BAALC: variants seen among roughly 807,000 people sequenced by gnomAD.
BAALC encodes the protein brain and acute leukemia cytoplasmic protein.
BAALC carries 9 observed loss-of-function variants against 15.5 expected under a neutral mutation model. That is an observed-to-expected ratio of 0.58 (90% CI 0.35 to 1.02). The LOEUF (loss-of-function observed/expected upper bound fraction) is 1.02, where lower values mean the gene tolerates loss of function less well. Ranked by LOEUF, BAALC falls within the 50% of genes least tolerant of loss-of-function variation. The pLI is 0.02. For synonymous variants in BAALC, 80 were observed against 74.6 expected (o/e 1.07, Z -0.37); for missense variants, 201 against 192.4 (o/e 1.04, Z -0.27).
At chr8:103,184,281 C>T (rs4645535) in intron 1 of BAALC, among the ~76,000 whole-genome samples, 21,760 of 152,104 alleles carry the variant, frequency 0.14, 2,369 homozygotes, top group African/African-American at 0.31. Context: ...CCTGAATTCC[C>T]TTTTGCTGTG....
chr8:103,159,158 G>A (rs576104408), intron 1 of BAALC, among the ~76,000 whole-genome samples: 2 of 152,238 alleles, frequency 1.3e-5, no homozygotes, highest in East Asian at 1.9e-4. Context: ...AACTTCATAG[G>A]TGATGAGGTA....
chr8:103,209,085 C>G (rs1202054932), intron 1 of BAALC, among the ~76,000 whole-genome samples: 2 of 152,074 alleles, frequency 1.3e-5, no homozygotes, highest in African/African-American at 4.8e-5. Flanking sequence ...ATGGCAACAT[C>G]TGGAGGCTGG....
chr8:103,217,002 G>A (rs902331757), intron 2 of BAALC, among the ~76,000 whole-genome samples: 2 of 152,074 alleles, frequency 1.3e-5, no homozygotes, highest in African/African-American at 4.8e-5. Context: ...AAAATGGGGC[G>A]GGCAGAGTCA....
In BAALC at chr8:103,145,513, G is replaced by A. The variant is rs1586369180; in HGVS notation, c.160+4456G>A. On this transcript the variant is annotated intron_variant, in intron 1 of 2. Transcript: ENST00000309982. ...CTATGGCTAACTCCAAGCTACTGAT[G>A]TCAGCTGAACGGCATAGGGCAATAC... Among the ~76,000 whole-genome samples, 5 of 152,294 alleles carry A rather than the reference G, an allele frequency of 3.3e-5. No homozygotes were observed. The South Asian group carries it at 1.0e-3, about 32-fold the overall frequency.
intron 1 of BAALC, among the ~76,000 whole-genome samples, chr8:103,192,664 T>A (rs537680871): frequency 6.6e-6 from 1 of 152,180 alleles, no homozygotes; most frequent in Non-Finnish European, 1.5e-5. Flanking sequence ...TACATTTAGA[T>A]GGCCAAGGGA....
intron 2 of BAALC, among the ~76,000 whole-genome samples, chr8:103,226,871 C>A (rs1812817476): frequency 6.6e-6 from 1 of 152,052 alleles, no homozygotes; most frequent in African/African-American, 2.4e-5. Context: ...TTATTATTCC[C>A]CATTTTACAG....
intron 1 of BAALC, among the ~76,000 whole-genome samples, chr8:103,149,140 G>T (rs968801541): frequency 6.6e-6 from 1 of 150,560 alleles, no homozygotes; most frequent in Non-Finnish European, 1.5e-5. Flanking sequence ...GGTCCATTGT[G>T]CTGTGCTGCT....
At chr8:103,193,198 G>A (rs965655128) in intron 1 of BAALC, among the ~76,000 whole-genome samples, 9 of 152,222 alleles carry the variant, frequency 5.9e-5, no homozygotes, top group African/African-American at 1.7e-4. Context: ...TGTCACAGGC[G>A]TCACTTATCA....
chr8:103,177,492 C>A (rs1316314662), intron 1 of BAALC, among the ~76,000 whole-genome samples: 1 of 152,154 alleles, frequency 6.6e-6, no homozygotes, highest in African/African-American at 2.4e-5. Flanking sequence ...CGGCCTTCTT[C>A]TTCTCTAGAT....
chr8:103,223,708 G>A (rs1158137843), intron 2 of BAALC, among the ~76,000 whole-genome samples: 1 of 152,072 alleles, frequency 6.6e-6, no homozygotes, highest in Non-Finnish European at 1.5e-5. Context: ...TCCAACTACT[G>A]GATTTTTTGC....
intron 1 of BAALC, among the ~76,000 whole-genome samples, chr8:103,181,421 A>G (rs183435795): frequency 0.017 from 2,620 of 152,064 alleles, 65 homozygotes; most frequent in African/African-American, 0.057. Context: ...ACAGTCTCCC[A>G]CCACCACGCC....
chr8:103,170,140 C>T (rs1811445532), intron 1 of BAALC, among the ~76,000 whole-genome samples: 1 of 151,968 alleles, frequency 6.6e-6, no homozygotes, highest in South Asian at 2.1e-4. Flanking sequence ...CTAAAAGTTC[C>T]CTTATGTTTG....
intron 1 of BAALC, among the ~76,000 whole-genome samples, chr8:103,205,062 G>C (rs1812298200): frequency 1.3e-5 from 2 of 152,100 alleles, no homozygotes; most frequent in South Asian, 4.2e-4. Context: ...CTTATACTTT[G>C]GTTTTCTGTC....
At chr8:103,190,126 T>C (rs1811932540) in intron 1 of BAALC, among the ~76,000 whole-genome samples, 1 of 151,994 alleles carries the variant, frequency 6.6e-6, no homozygotes, top group African/African-American at 2.4e-5. Flanking sequence ...GATTAGAAAA[T>C]TGGTGGCATG....
chr8:103,198,007 G>A, intron 1 of BAALC: 1 of 619,766 alleles, frequency 1.6e-6, no homozygotes, highest in Non-Finnish European at 2.9e-6. Context: ...CCTCTGCTCT[G>A]TGAGGACTAA....
intron 1 of BAALC, among the ~76,000 whole-genome samples, chr8:103,194,862 G>T (rs1345709372): frequency 6.6e-6 from 1 of 152,036 alleles, no homozygotes; most frequent in Non-Finnish European, 1.5e-5. Flanking sequence ...GTTTCCTTCG[G>T]CCCATTTATA....
intron 2 of BAALC, among the ~76,000 whole-genome samples, chr8:103,216,860 A>T (rs1412204478): frequency 6.6e-6 from 1 of 152,204 alleles, no homozygotes; most frequent in Non-Finnish European, 1.5e-5. Flanking sequence ...TCCTCACACT[A>T]ACTCTATAAT....
chr8:103,182,748 T>G (rs938146171), intron 1 of BAALC, among the ~76,000 whole-genome samples: 8 of 152,160 alleles, frequency 5.3e-5, no homozygotes, highest in Non-Finnish European at 1.2e-4. Context: ...TGAGAGAACT[T>G]TCACGGATAA....
intron 1 of BAALC, among the ~76,000 whole-genome samples, chr8:103,188,558 G>A (rs1005287120): frequency 6.6e-6 from 1 of 152,166 alleles, no homozygotes; most frequent in Non-Finnish European, 1.5e-5. Context: ...AATAAGAAAG[G>A]GTTGATAATT....
Sources: gnomAD v4.1 joint callset for allele counts (sites outside exome capture counted in the v4.1 genomes callset) on GRCh38, gnomAD v4.1.1 for gene constraint, MANE v1.5 for transcripts, NCBI Gene and HGNC (gene_info 2026-07-23, HGNC 2026-07-21) for gene names.